The following NDRG4 variants were observed in gnomAD, a reference collection of about 807,000 sequenced individuals.
NDRG4 encodes the protein NDRG family member 4.
Under a neutral mutation model 55.8 loss-of-function variants are expected in NDRG4, and 38 were observed. The observed-to-expected ratio is 0.68, with a 90% CI of 0.53 to 0.89. NDRG4 has a LOEUF of 0.89. Ranked by LOEUF, NDRG4 falls within the 40% of genes least tolerant of loss-of-function variation. The probability of loss-of-function intolerance (pLI) is 0.00; values close to 1 mark genes in which losing one functional copy is unlikely to be tolerated. For synonymous variants in NDRG4, 190 were observed against 182.7 expected, an observed-to-expected ratio of 1.04 and a Z score of -0.32; for missense variants, 455 against 468.6, an observed-to-expected ratio of 0.97 and a Z score of 0.27.
Position 58,472,048 on chromosome 16 carries a change from G to A in NDRG4, c.-24+8251G>A, listed in dbSNP as rs969558096. 2.0e-5 allele frequency: 3 copies of A among 152,252 alleles called. No homozygotes were observed. The East Asian group carries it at 5.8e-4, about 29-fold the overall frequency. 9.4% of individuals were successfully genotyped at this position (152,252 alleles called of 1,614,324 possible). A position where few individuals can be genotyped will look rare whatever the true frequency, so the allele number is the denominator to read the frequency against. ...ACAATATTGGCCACTTGGTGTTCTG[G>A]AGGATAAATGTGCTGTTGGGGCCTG... On this transcript the variant is annotated intron_variant, in intron 1 of 15. Transcript: ENST00000258187.
At chr16:58,502,679 G>A (rs1228470231) in intron 1 of NDRG4, among the ~76,000 whole-genome samples, 2 of 152,188 alleles carry the variant, frequency 1.3e-5, no homozygotes, top group African/African-American at 4.8e-5. Context: ...CTGTCTCTTG[G>A]GTAACATGCA....
intron 1 of NDRG4, among the ~76,000 whole-genome samples, chr16:58,476,492 C>G (rs150326889): frequency 2.0e-5 from 3 of 151,610 alleles, no homozygotes; most frequent in East Asian, 3.9e-4. Context: ...TTTATGAAAG[C>G]GCTGTGTTAT....
At position 58,507,832 on chromosome 16, in the gene NDRG4, G is replaced by A. The variant is rs764586690; in HGVS notation, c.645G>A (p.Arg215=). The A allele has an allele frequency of 6.2e-7, 1 of 1,613,952 alleles. No individual in the cohort carries two copies. Among genetic ancestry groups the A allele is most frequent in the African/African-American group, 1.3e-5 (1 of 75,046 alleles). Residue 215 remains arginine (R), a synonymous_variant, in exon 9 of 15, where the codon CGG becomes CGA. Coordinates refer to ENST00000570248, the MANE Select transcript of NDRG4 (RefSeq NM_001242835.2). Reference sequence around the variant, plus strand: ...GCCGCAGAGACCTGGACATTAACCGGCCTGGAACGGTGCCCAATGCCAAGA... The same window carrying A: ...GCCGCAGAGACCTGGACATTAACCGACCTGGAACGGTGCCCAATGCCAAGA... ...YNSRRDLDIN[R]PGTVPNAKTL...
intron 2 of NDRG4, among the ~76,000 whole-genome samples, chr16:58,490,841 G>A (rs1307328476): frequency 2.0e-5 from 3 of 152,038 alleles, no homozygotes; most frequent in African/African-American, 7.2e-5. Flanking sequence ...GCTGGGCATG[G>A]TGGCGCATGC....
chr16:58,490,599 G>A (rs1214802564), intron 2 of NDRG4, among the ~76,000 whole-genome samples: 1 of 152,198 alleles, frequency 6.6e-6, no homozygotes, highest in African/African-American at 2.4e-5. Flanking sequence ...CAGATCCTGT[G>A]GAGGCTTCTT....
intron 2 of NDRG4, among the ~76,000 whole-genome samples, chr16:58,491,267 C>A (rs1437882645): frequency 1.3e-5 from 2 of 152,002 alleles, no homozygotes; most frequent in Non-Finnish European, 2.9e-5. Flanking sequence ...CAGAGTAAGA[C>A]TCTGTCTCTA....
intron 13 of NDRG4, 168 bp downstream of exon 13, chr16:58,509,520 A>C (rs1475243274): frequency 7.4e-6 from 5 of 679,854 alleles, no homozygotes; most frequent in Non-Finnish European, 9.8e-6. Flanking sequence ...GGCCCCACAG[A>C]TGCCACCTGA....
intron 1 of NDRG4, among the ~76,000 whole-genome samples, chr16:58,479,952 T>A (rs1396898067): frequency 6.6e-6 from 1 of 152,192 alleles, no homozygotes; most frequent in East Asian, 1.9e-4. Flanking sequence ...TTTCTCCTTA[T>A]TGAGCCCTAG....
At chr16:58,476,017 G>C (rs1187432777) in intron 1 of NDRG4, among the ~76,000 whole-genome samples, 2 of 152,102 alleles carry the variant, frequency 1.3e-5, no homozygotes, top group Non-Finnish European at 2.9e-5. Context: ...GGCTGGTCTT[G>C]AACTCCTGAC....
At chr16:58,490,702 C>T (rs1462555051) in intron 2 of NDRG4, among the ~76,000 whole-genome samples, 1 of 152,240 alleles carries the variant, frequency 6.6e-6, no homozygotes, top group African/African-American at 2.4e-5. Context: ...TCCCGCCAGA[C>T]ATGTTGGCTC....
At chr16:58,471,092 G>C (rs1002545585) in intron 1 of NDRG4, among the ~76,000 whole-genome samples, 1 of 151,450 alleles carries the variant, frequency 6.6e-6, no homozygotes. Context: ...AGAACCCCCA[G>C]AGGGAGACAG....
intron 1 of NDRG4, among the ~76,000 whole-genome samples, chr16:58,477,261 T>C (rs112837644): frequency 0.03 from 4,606 of 152,160 alleles, 72 homozygotes; most frequent in African/African-American, 0.033. Flanking sequence ...CCAGTAGCAA[T>C]GAGCACACCT....
At chr16:58,506,014 G>A (rs1473954045) in intron 5 of NDRG4, 5 of 348,796 alleles carry the variant, frequency 1.4e-5, no homozygotes, top group South Asian at 2.4e-5. Flanking sequence ...GAGCCACGGC[G>A]CCTGGCCAGG....
At chr16:58,506,686 A>C in intron 7 of NDRG4, 72 bp downstream of exon 7, 1 of 1,504,938 alleles carries the variant, frequency 6.6e-7, no homozygotes, top group Non-Finnish European at 9.0e-7. Flanking sequence ...GGTAGGAGGC[A>C]GGCGGGTGTC....
At chr16:58,494,953 C>T (rs1334924283) in intron 2 of NDRG4, 6 of 1,613,416 alleles carry the variant, frequency 3.7e-6, no homozygotes, top group East Asian at 4.5e-5. Context: ...CCTCTGTTTG[C>T]CTTCCCCTAG....
In NDRG4 at chr16:58,464,208, G is replaced by A. The variant is rs2031116936; in HGVS notation, c.-24+411G>A. On this transcript the variant is annotated intron_variant, in intron 1 of 15. Transcript: ENST00000258187. This position sits in a 1 kb window ranked among gnomAD's most constrained non-coding sequence, Gnocchi z 4.8. The stretch of plus-strand genomic sequence containing the variant: ...ACCAGGTGGCGGCGGGTGCCTTTTT[G>A]GGGGTGCGCGGCCATGCAATTGGTG... The A allele has an allele frequency of 2.5e-6, 1 of 395,038 alleles. No homozygotes were observed. The highest frequency in any genetic ancestry group is 1.2e-4 in the South Asian group (1 of 8,376). 24.5% of individuals were successfully genotyped at this position (395,038 alleles called of 1,614,324 possible). A position where few individuals can be genotyped will look rare whatever the true frequency, so the allele number is the denominator to read the frequency against.
At chr16:58,466,317 C>A (rs571250342) in intron 1 of NDRG4, among the ~76,000 whole-genome samples, 2 of 152,208 alleles carry the variant, frequency 1.3e-5, no homozygotes, top group Non-Finnish European at 2.9e-5. Context: ...CACCCAGCCC[C>A]CACCATGGGT....
At chr16:58,497,564 A>G (rs936885067), upstream of NDRG4, among the ~76,000 whole-genome samples, 1 of 151,784 alleles carries the variant, frequency 6.6e-6, no homozygotes, top group Non-Finnish European at 1.5e-5. Flanking sequence ...TGAGGATTAT[A>G]TGTATTATCC....
chr16:58,496,208 G>A (rs75382570), upstream of NDRG4, among the ~76,000 whole-genome samples: 63 of 152,164 alleles, frequency 4.1e-4, 2 homozygotes, highest in East Asian at 0.012. Context: ...TCCTGGAGTC[G>A]TGGAGGAGAC....
Sources: gnomAD v4.1 joint callset for allele counts (sites outside exome capture counted in the v4.1 genomes callset) on GRCh38, gnomAD v4.1.1 for gene constraint, Gnocchi (gnomAD v3.1) non-coding constraint, MANE v1.5 for transcripts, NCBI Gene and HGNC (gene_info 2026-07-23, HGNC 2026-07-21) for gene names.